The following HSD17B12 variants were observed in gnomAD, a reference collection of about 807,000 sequenced individuals.
HSD17B12 encodes the protein hydroxysteroid 17-beta dehydrogenase 12.
A neutral mutation model predicts 39.3 loss-of-function variants in HSD17B12; 32 were observed. The ratio of observed to expected loss-of-function variants is 0.81; its 90% CI spans 0.61 to 1.09. HSD17B12 has a LOEUF of 1.09. Among genes scored for constraint, HSD17B12 ranks in the 50% least tolerant of loss-of-function variants. HSD17B12 has a pLI of 0.00. For synonymous variants in HSD17B12, 150 were observed against 146.7 expected, an observed-to-expected ratio of 1.02 and a Z score of -0.16; for missense variants, 342 against 382.9, an observed-to-expected ratio of 0.89 and a Z score of 0.89.
At chr11:43,619,257 T>TG in the HSD17B12 span, among the ~76,000 whole-genome samples, 38 of 114,974 alleles carry the variant, frequency 3.3e-4, no homozygotes, top group Non-Finnish European at 5.7e-4. Context: ...TATATATATA[T>TG]ATTTTATATA....
the HSD17B12 span, among the ~76,000 whole-genome samples, chr11:43,642,787 A>G: frequency 7.9e-5 from 12 of 151,904 alleles, no homozygotes; most frequent in African/African-American, 2.4e-4. Context: ...AATTTTTTAT[A>G]TCTTGGTATA....
intron 9 of HSD17B12, among the ~76,000 whole-genome samples, chr11:43,843,278 A>G (rs1445047407): frequency 6.6e-6 from 1 of 152,226 alleles, no homozygotes; most frequent in Non-Finnish European, 1.5e-5. Flanking sequence ...AAAAAAATGT[A>G]GTCTAAATGA....
rs575508785 is a variant in HSD17B12 at position 43,815,801 on chromosome 11, G to A, written c.456+300G>A. ...TGTTATTACTCTTATTTTTGTTTGT[G>A]TTATATCAAAATAGCTCTGTTGTAA... On this transcript the variant is annotated intron_variant, in intron 5 of 10. Transcript: ENST00000278353. Among the ~76,000 whole-genome samples the A allele has an allele frequency of 3.3e-5, 5 of 152,176 alleles. No homozygotes were observed. The South Asian group carries it at 8.3e-4, about 25-fold the overall frequency.
Position 43,784,176 on chromosome 11 carries a change from G to A in HSD17B12, c.284-14144G>A, listed in dbSNP as rs574407376. Reference sequence around the variant, plus strand: ...CCACATGAAAGAGTCATGATAGATCGAGTAAGCATGGGAAACGTTACTGGG... The same window carrying A: ...CCACATGAAAGAGTCATGATAGATCAAGTAAGCATGGGAAACGTTACTGGG... On this transcript the variant is annotated intron_variant, in intron 3 of 10. Transcript: ENST00000278353. Among the ~76,000 whole-genome samples the A allele has an allele frequency of 7.2e-5, 11 of 152,164 alleles. No individual in the cohort carries two copies. In the East Asian group the frequency reaches 1.5e-3, roughly 21 times the overall value.
chr11:43,740,725 T>C (rs1389231435), intron 1 of HSD17B12, among the ~76,000 whole-genome samples: 1 of 152,242 alleles, frequency 6.6e-6, no homozygotes, highest in East Asian at 1.9e-4. Flanking sequence ...GCAGCCTTTT[T>C]CAAAGTCCTT....
At chr11:43,631,609 GTC>G in the HSD17B12 span, among the ~76,000 whole-genome samples, 6 of 116,460 alleles carry the variant, frequency 5.2e-5, no homozygotes, top group Non-Finnish European at 5.6e-5. Context: ...CTCTCTCTCT[GTC>G]TCTCTCTCTC....
At chr11:43,613,164 G>A in the HSD17B12 span, among the ~76,000 whole-genome samples, 1 of 152,248 alleles carries the variant, frequency 6.6e-6, no homozygotes, top group Non-Finnish European at 1.5e-5. Context: ...AACACTTTGG[G>A]AGGCCAAGGC....
the HSD17B12 span, among the ~76,000 whole-genome samples, chr11:43,599,166 C>A: frequency 6.6e-6 from 1 of 152,186 alleles, no homozygotes; most frequent in Admixed American, 6.5e-5. Context: ...GAACGATGTT[C>A]ACCTAATGGT....
intron 9 of HSD17B12, among the ~76,000 whole-genome samples, chr11:43,849,437 G>A (rs1347733940): frequency 2.0e-5 from 3 of 152,140 alleles, no homozygotes; most frequent in Non-Finnish European, 4.4e-5. Flanking sequence ...AAACTTCCAC[G>A]TTATCATGTC....
intron 4 of HSD17B12, among the ~76,000 whole-genome samples, chr11:43,799,889 T>A (rs1395504289): frequency 6.6e-6 from 1 of 152,182 alleles, no homozygotes; most frequent in Non-Finnish European, 1.5e-5. Context: ...TCCCAGCTCC[T>A]GCCTGGTCCA....
At chr11:43,574,215 T>C in the HSD17B12 span, among the ~76,000 whole-genome samples, 1 of 152,002 alleles carries the variant, frequency 6.6e-6, no homozygotes, top group African/African-American at 2.4e-5. Flanking sequence ...TTACAAAGAG[T>C]AGGAGATCCT....
chr11:43,672,413 C>T, the HSD17B12 span, among the ~76,000 whole-genome samples: 3 of 151,940 alleles, frequency 2.0e-5, no homozygotes, highest in Admixed American at 2.0e-4. Flanking sequence ...TAAAGTAGTC[C>T]GTATGCAAGA....
At chr11:43,774,767 A>C (rs1950682974) in intron 3 of HSD17B12, among the ~76,000 whole-genome samples, 2 of 152,186 alleles carry the variant, frequency 1.3e-5, no homozygotes, top group Non-Finnish European at 1.5e-5. Context: ...TAAGAATTCC[A>C]AGGTAGGTGG....
chr11:43,812,174 A>G (rs75107928), intron 4 of HSD17B12, among the ~76,000 whole-genome samples: 2,139 of 152,320 alleles, frequency 0.014, 67 homozygotes, highest in African/African-American at 0.047. Context: ...TGATGCTGCA[A>G]TAAACACGGG....
At chr11:43,734,134 G>C in intron 1 of HSD17B12, 1 of 1,467,044 alleles carries the variant, frequency 6.8e-7, no homozygotes, top group Non-Finnish European at 9.4e-7. Context: ...ACCAAATCAA[G>C]TCAGTGGTGG....
the HSD17B12 span, among the ~76,000 whole-genome samples, chr11:43,623,951 G>A: frequency 6.6e-6 from 1 of 151,872 alleles, no homozygotes; most frequent in South Asian, 2.1e-4. Flanking sequence ...AAAACAAAAT[G>A]CAATTTCAAA....
chr11:43,804,189 A>G (rs1474921095), intron 4 of HSD17B12, among the ~76,000 whole-genome samples: 1 of 152,248 alleles, frequency 6.6e-6, no homozygotes, highest in Non-Finnish European at 1.5e-5. Context: ...CATTTAAAAA[A>G]TCAACCATAG....
At chr11:43,589,641 A>T in the HSD17B12 span, among the ~76,000 whole-genome samples, 1,319 of 152,232 alleles carry the variant, frequency 8.7e-3, 20 homozygotes, top group African/African-American at 0.031. Context: ...CTGTCGTTTT[A>T]AAAATAATTA....
chr11:43,656,697 G>A, the HSD17B12 span, among the ~76,000 whole-genome samples: 1 of 152,148 alleles, frequency 6.6e-6, no homozygotes, highest in Non-Finnish European at 1.5e-5. Flanking sequence ...CAGTTTTCAT[G>A]TAGTTCAGCC....
Sources: gnomAD v4.1 joint callset for allele counts (sites outside exome capture counted in the v4.1 genomes callset) on GRCh38, gnomAD v4.1.1 for gene constraint, MANE v1.5 for transcripts, NCBI Gene and HGNC (gene_info 2026-07-23, HGNC 2026-07-21) for gene names.